RAB8B: variants seen among roughly 807,000 people sequenced by gnomAD.
RAB8B encodes ras-related protein Rab-8B.
RAB8B carries 11 observed loss-of-function variants against 32.0 expected under a neutral mutation model. The ratio of observed to expected loss-of-function variants is 0.34; its 90% CI spans 0.22 to 0.57. The LOEUF is 0.57. Among genes scored for constraint, RAB8B ranks in the 20% least tolerant of loss-of-function variants. The pLI is 0.86. For missense variants in RAB8B, 190 were observed against 258.5 expected (o/e 0.73, Z 1.82); for synonymous variants, 103 against 89.6 (o/e 1.15, Z -0.85).
At chr15:63,237,969 A>G (rs1311972676) in intron 1 of RAB8B, among the ~76,000 whole-genome samples, 2 of 151,952 alleles carry the variant, frequency 1.3e-5, no homozygotes, top group Non-Finnish European at 2.9e-5. Flanking sequence ...CAGTTTTCCC[A>G]GCACCATTTA....
At chr15:63,256,993 A>AT (rs925175722) in intron 5 of RAB8B, among the ~76,000 whole-genome samples, 1 of 152,246 alleles carries the variant, frequency 6.6e-6, no homozygotes, top group Non-Finnish European at 1.5e-5. Flanking sequence ...TTTCCAATTC[A>AT]TTTTTTTCCC....
chr15:63,261,117 G>A (rs2038200070), intron 6 of RAB8B, among the ~76,000 whole-genome samples: 1 of 152,132 alleles, frequency 6.6e-6, no homozygotes, highest in Non-Finnish European at 1.5e-5. Flanking sequence ...CAAAAGATCT[G>A]AATAGACATT....
At chr15:63,239,384 C>G (rs1056775338) in intron 1 of RAB8B, among the ~76,000 whole-genome samples, 1 of 149,394 alleles carries the variant, frequency 6.7e-6, no homozygotes, top group Non-Finnish European at 1.5e-5. Context: ...ACTATTGTAA[C>G]TATAATATAT....
chr15:63,238,059 T>C (rs1458304732), intron 1 of RAB8B, among the ~76,000 whole-genome samples: 1 of 152,124 alleles, frequency 6.6e-6, no homozygotes, highest in African/African-American at 2.4e-5. Flanking sequence ...TATAGATTTA[T>C]CTCTGGGTTC....
rs2038080761 is a variant in RAB8B at position 63,247,450 on chromosome 15, C to T, written c.186-2195C>T. On this transcript the variant is annotated intron_variant, in intron 2 of 7. Coordinates refer to ENST00000321437, the MANE Select transcript of RAB8B (RefSeq NM_016530.3). ...ACTACAGTGAATAAATATGGTTCCT[C>T]CAGATTGCTAGGTTGAATATTTTTG... 2.0e-5 allele frequency among the ~76,000 whole-genome samples: 3 copies of T among 152,178 alleles called. No homozygotes were observed. In the South Asian group the frequency reaches 6.2e-4, roughly 31 times the overall value.
intron 1 of RAB8B, among the ~76,000 whole-genome samples, chr15:63,241,172 A>G (rs1198667463): frequency 6.6e-6 from 1 of 152,176 alleles, no homozygotes; most frequent in East Asian, 1.9e-4. Context: ...GTGAAACCCC[A>G]TCTCTACTGA....
At chr15:63,263,283 A>G (rs1595753069) in intron 7 of RAB8B, among the ~76,000 whole-genome samples, 2 of 152,316 alleles carry the variant, frequency 1.3e-5, no homozygotes, top group Admixed American at 1.3e-4. Flanking sequence ...TTCCTATTGA[A>G]TACATTATTG....
At chr15:63,213,715 TTCTG>T (rs1167937486) in intron 1 of RAB8B, among the ~76,000 whole-genome samples, 2 of 152,196 alleles carry the variant, frequency 1.3e-5, no homozygotes, top group African/African-American at 4.8e-5. Context: ...AATGAGTAAA[TTCTG>T]TCTTCCAAAT....
At chr15:63,256,013 A>G (rs1022314965) in intron 4 of RAB8B, among the ~76,000 whole-genome samples, 1 of 152,168 alleles carries the variant, frequency 6.6e-6, no homozygotes, top group Non-Finnish European at 1.5e-5. Context: ...CATTTTCTCC[A>G]TCTTAGATAT....
At chr15:63,203,308 C>CT (rs1417595683) in intron 1 of RAB8B, among the ~76,000 whole-genome samples, 2 of 152,184 alleles carry the variant, frequency 1.3e-5, no homozygotes, top group Non-Finnish European at 2.9e-5. Context: ...GCTAAAAGAA[C>CT]TTGGGCTTTT....
chr15:63,224,440 A>C (rs1249033621), intron 1 of RAB8B, among the ~76,000 whole-genome samples: 1 of 152,230 alleles, frequency 6.6e-6, no homozygotes, highest in Admixed American at 6.5e-5. Flanking sequence ...AGTCCCTGTC[A>C]CATAGGCTAA....
At chr15:63,228,902 T>G (rs780515295) in intron 1 of RAB8B, among the ~76,000 whole-genome samples, 2 of 152,244 alleles carry the variant, frequency 1.3e-5, no homozygotes, top group Non-Finnish European at 2.9e-5. Flanking sequence ...AATGAGTAAG[T>G]GAAAACTTTA....
intron 5 of RAB8B, among the ~76,000 whole-genome samples, chr15:63,257,602 T>C (rs531947179): frequency 5.9e-5 from 9 of 152,198 alleles, no homozygotes; most frequent in Non-Finnish European, 1.0e-4. Context: ...GAACTTTTGC[T>C]GCAAACTTTT....
At chr15:63,262,454 T>C (rs1028421700) in intron 6 of RAB8B, among the ~76,000 whole-genome samples, 1 of 152,120 alleles carries the variant, frequency 6.6e-6, no homozygotes, top group Admixed American at 6.6e-5. Flanking sequence ...ATTGAAATAA[T>C]GAAAAATTCT....
chr15:63,205,289 G>A (rs1049298145), intron 1 of RAB8B, among the ~76,000 whole-genome samples: 3 of 152,148 alleles, frequency 2.0e-5, no homozygotes, highest in Non-Finnish European at 4.4e-5. Flanking sequence ...GACAGAGTGA[G>A]ACTCCATCTG....
intron 1 of RAB8B, among the ~76,000 whole-genome samples, chr15:63,219,171 GC>G (rs960014078): frequency 6.6e-6 from 1 of 151,570 alleles, no homozygotes; most frequent in African/African-American, 2.4e-5. Context: ...GGTGGCACGC[GC>G]CTGTAGTCCC....
At chr15:63,257,927 C>T (rs1009331656) in intron 5 of RAB8B, among the ~76,000 whole-genome samples, 7 of 151,224 alleles carry the variant, frequency 4.6e-5, no homozygotes, top group East Asian at 4.0e-4. Flanking sequence ...GGCATGGTGG[C>T]GTGCGTGCGT....
chr15:63,241,051 C>T (rs888656739), intron 1 of RAB8B, among the ~76,000 whole-genome samples: 1 of 149,788 alleles, frequency 6.7e-6, no homozygotes, highest in Non-Finnish European at 1.5e-5. Context: ...TTATTTAAAA[C>T]GTGAATGAAG....
chr15:63,201,983 T>C (rs909356166), intron 1 of RAB8B, among the ~76,000 whole-genome samples: 2 of 148,840 alleles, frequency 1.3e-5, no homozygotes, highest in Non-Finnish European at 3.0e-5. Context: ...CCGGGCGCGG[T>C]GGCTCACACC....
Sources: gnomAD v4.1 joint callset for allele counts (sites outside exome capture counted in the v4.1 genomes callset) on GRCh38, gnomAD v4.1.1 for gene constraint, MANE v1.5 for transcripts, NCBI Gene and HGNC (gene_info 2026-07-23, HGNC 2026-07-21) for gene names.